The following MSI2 variants were observed in gnomAD, a reference collection of about 807,000 sequenced individuals.
The protein encoded by MSI2 is musashi RNA binding protein 2.
MSI2 carries 17 observed loss-of-function variants against 45.6 expected under a neutral mutation model. That is an observed-to-expected ratio of 0.37 (90% confidence interval 0.26 to 0.56). The LOEUF is 0.56. Among genes scored for constraint, MSI2 ranks in the 20% least tolerant of loss-of-function variants. The pLI, the probability that MSI2 is intolerant of heterozygous loss-of-function variation, is 0.77. For missense variants in MSI2, 293 were observed against 444.2 expected (o/e 0.66, Z 3.06); for synonymous variants, 156 against 158.2 (o/e 0.99, Z 0.11).
chr17:57,590,124 T>G (rs1904686695), intron 7 of MSI2, among the ~76,000 whole-genome samples: 1 of 152,158 alleles, frequency 6.6e-6, no homozygotes, highest in African/African-American at 2.4e-5. Flanking sequence ...CAATCTGGGG[T>G]TTTTTCCTCC....
chr17:57,339,011 G>A (rs1248753726), intron 5 of MSI2, among the ~76,000 whole-genome samples: 2 of 152,226 alleles, frequency 1.3e-5, no homozygotes, highest in Non-Finnish European at 2.9e-5. Context: ...AAGAAGTGGT[G>A]GGGGAGAGGG....
At chr17:57,631,896 G>A (rs376148651) in intron 10 of MSI2, 84 of 1,593,800 alleles carry the variant, frequency 5.3e-5, no homozygotes, top group East Asian at 6.8e-5. Context: ...ACACAGTCCC[G>A]GCCTGGGCTG....
intron 5 of MSI2, among the ~76,000 whole-genome samples, chr17:57,348,691 T>C (rs1001804638): frequency 7.2e-5 from 11 of 152,190 alleles, no homozygotes; most frequent in African/African-American, 2.7e-4. Flanking sequence ...AACATGCTTG[T>C]ACAGCCTGAA....
chr17:57,455,927 A>G (rs886316613), intron 6 of MSI2, among the ~76,000 whole-genome samples: 3 of 152,180 alleles, frequency 2.0e-5, no homozygotes, highest in Non-Finnish European at 4.4e-5. Flanking sequence ...TCTTTGGACA[A>G]AGCTCTGGAG....
At chr17:57,340,835 T>G (rs1915081781) in intron 5 of MSI2, among the ~76,000 whole-genome samples, 2 of 152,160 alleles carry the variant, frequency 1.3e-5, no homozygotes, top group African/African-American at 4.8e-5. Flanking sequence ...TATCAGCGCA[T>G]CTGAGCCCAG....
chr17:57,633,632 G>T (rs183396535), intron 10 of MSI2, among the ~76,000 whole-genome samples: 1 of 152,284 alleles, frequency 6.6e-6, no homozygotes, highest in East Asian at 1.9e-4. Flanking sequence ...GAATGTTCTT[G>T]GATATGAAGC....
chr17:57,296,356 A>G (rs1285276342), intron 5 of MSI2, among the ~76,000 whole-genome samples: 2 of 152,170 alleles, frequency 1.3e-5, no homozygotes, highest in African/African-American at 2.4e-5. Flanking sequence ...TGCAATTAAC[A>G]TAAATTACTT....
chr17:57,315,083 C>T (rs914074335), intron 5 of MSI2, among the ~76,000 whole-genome samples: 1 of 152,108 alleles, frequency 6.6e-6, no homozygotes, highest in African/African-American at 2.4e-5. Flanking sequence ...TCTGTGCAGC[C>T]AGGATTCAGA....
At chr17:57,337,647 C>T (rs115176071) in intron 5 of MSI2, among the ~76,000 whole-genome samples, 1,653 of 152,246 alleles carry the variant, frequency 0.011, 16 homozygotes, top group African/African-American at 0.023. Flanking sequence ...CTTAGCTGGA[C>T]GGTGACTCGG....
intron 6 of MSI2, among the ~76,000 whole-genome samples, chr17:57,410,023 A>AAAAAAAT (rs1267075617): frequency 2.0e-5 from 3 of 149,810 alleles, no homozygotes; most frequent in Non-Finnish European, 4.4e-5. Context: ...AAAAAAAAAA[A>AAAAAAAT]AATGGGGAGT....
chr17:57,477,142 CCTG>C (rs2085553045), intron 6 of MSI2, among the ~76,000 whole-genome samples: 14 of 120,972 alleles, frequency 1.2e-4, no homozygotes, highest in Admixed American at 8.5e-5. Flanking sequence ...GTCCATAAGG[CCTG>C]GTGTGTGTGT....
At chr17:57,541,151 TAGAGAGAG>T (rs55999583) in intron 7 of MSI2, among the ~76,000 whole-genome samples, 17 of 148,910 alleles carry the variant, frequency 1.1e-4, no homozygotes, top group African/African-American at 2.2e-4. Context: ...TACATTTTGG[TAGAGAGAG>T]AGAGAGAGAG....
chr17:57,637,385 T>A (rs993185945), intron 10 of MSI2, among the ~76,000 whole-genome samples: 1 of 152,228 alleles, frequency 6.6e-6, no homozygotes, highest in Non-Finnish European at 1.5e-5. Context: ...TATTCCCAGA[T>A]GAAAGCAGAG....
At chr17:57,576,563 C>G (rs1289765903) in intron 7 of MSI2, among the ~76,000 whole-genome samples, 1 of 152,076 alleles carries the variant, frequency 6.6e-6, no homozygotes, top group Admixed American at 6.5e-5. Flanking sequence ...TGAGACCACC[C>G]TGGCCAATAT....
chr17:57,282,887 C>T (rs961771540), intron 5 of MSI2, among the ~76,000 whole-genome samples: 4 of 127,078 alleles, frequency 3.1e-5, no homozygotes, highest in Non-Finnish European at 6.3e-5. Context: ...GCCGTCAGGG[C>T]AGTTGAATGG....
intron 6 of MSI2, among the ~76,000 whole-genome samples, chr17:57,436,670 T>C (rs2084696753): frequency 6.6e-6 from 1 of 152,296 alleles, no homozygotes; most frequent in African/African-American, 2.4e-5. Flanking sequence ...CAGGCAGAAT[T>C]GGAGACTTGG....
At chr17:57,439,703 C>T (rs1212336917) in intron 6 of MSI2, among the ~76,000 whole-genome samples, 2 of 152,056 alleles carry the variant, frequency 1.3e-5, no homozygotes, top group South Asian at 2.1e-4. Context: ...GGATTACAGG[C>T]GTGCGCCACC....
chr17:57,412,526 G>C (rs1190039272), intron 6 of MSI2, among the ~76,000 whole-genome samples: 1 of 152,160 alleles, frequency 6.6e-6, no homozygotes, highest in African/African-American at 2.4e-5. Context: ...AGGTAGAAAA[G>C]TTGAGAATCT....
chr17:57,644,327 C>T (rs1413302354), intron 10 of MSI2, among the ~76,000 whole-genome samples: 1 of 151,674 alleles, frequency 6.6e-6, no homozygotes, highest in Non-Finnish European at 1.5e-5. Context: ...CTCTTTGCAC[C>T]CCCTGTTCTG....
Sources: allele counts gnomAD v4.1 joint callset (sites outside exome capture counted in the v4.1 genomes callset), GRCh38; gene constraint gnomAD v4.1.1; transcripts MANE v1.5; gene names NCBI Gene and HGNC (gene_info 2026-07-23, HGNC 2026-07-21).